APC: variants seen among roughly 807,000 people sequenced by gnomAD.
The protein encoded by APC is APC regulator of Wnt signaling pathway, also known as adenomatous polyposis coli protein.
A neutral mutation model predicts 247.0 loss-of-function variants in APC; 72 were observed. The ratio of observed to expected loss-of-function variants is 0.29; its 90% CI spans 0.24 to 0.35. APC has a LOEUF of 0.35. APC is among the 10% of genes least tolerant of loss of function. The probability of loss-of-function intolerance (pLI) is 1.00; values close to 1 mark genes in which losing one functional copy is unlikely to be tolerated. For synonymous variants in APC, 1,254 were observed against 1,162.5 expected (o/e 1.08, Z -1.60); for missense variants, 3,400 against 3,360.7 (o/e 1.01, Z -0.29).
At chr5:112,737,166 T>C (rs1214871420), upstream of APC, among the ~76,000 whole-genome samples, 1 of 152,224 alleles carries the variant, frequency 6.6e-6, no homozygotes, top group Non-Finnish European at 1.5e-5. Flanking sequence ...CTTCTATGTA[T>C]GTGTCAGGGA....
chr5:112,807,309 G>A (rs1761522471), intron 8 of APC, among the ~76,000 whole-genome samples: 1 of 152,034 alleles, frequency 6.6e-6, no homozygotes, highest in African/African-American at 2.4e-5. Context: ...CTGGGTTTTT[G>A]TAATTTGTTA....
intron 4 of APC, among the ~76,000 whole-genome samples, chr5:112,769,686 C>A (rs1338652980): frequency 6.6e-6 from 1 of 152,060 alleles, no homozygotes; most frequent in Non-Finnish European, 1.5e-5. Flanking sequence ...GTACCATTTT[C>A]TTCTGTAAGA....
chr5:112,817,334 T>G (rs190130529), intron 9 of APC, among the ~76,000 whole-genome samples: 1 of 152,360 alleles, frequency 6.6e-6, no homozygotes, highest in East Asian at 1.9e-4. Flanking sequence ...ATTACTGAAA[T>G]AACTAATGTT....
In APC at chr5:112,707,650, G is replaced by A. The variant is rs1163893701; in HGVS notation, c.-68G>A. On this transcript the variant is annotated 5_prime_UTR_variant, in exon 1 of 14. Coordinates refer to the APC transcript ENST00000507379. ...GAGGTTGGCTCGATGCTGTTCCCAGGTACTGTTGTTGGCTGTTGGTGAGGA... is the reference window on the plus strand; with the variant it reads ...GAGGTTGGCTCGATGCTGTTCCCAGATACTGTTGTTGGCTGTTGGTGAGGA... 2.9e-6 allele frequency: 4 copies of A among 1,363,086 alleles called. No individual in the cohort carries two copies. Among genetic ancestry groups the A allele is most frequent in the Non-Finnish European group, 3.9e-6 (4 of 1,032,224 alleles). 84.4% of individuals were successfully genotyped at this position (1,363,086 alleles called of 1,614,324 possible).
At chr5:112,786,082 C>G (rs1340166015) in intron 6 of APC, among the ~76,000 whole-genome samples, 2 of 151,950 alleles carry the variant, frequency 1.3e-5, no homozygotes, top group African/African-American at 2.4e-5. Context: ...AAAAGACAAC[C>G]CTGTGTTTTT....
At chr5:112,774,543 C>G (rs1561476080) in intron 4 of APC, among the ~76,000 whole-genome samples, 1 of 149,460 alleles carries the variant, frequency 6.7e-6, no homozygotes, top group African/African-American at 2.4e-5. Context: ...TCACTGCAGC[C>G]TTGGCCTCCT....
chr5:112,792,548 T>A lies in APC; in HGVS notation c.729+19T>A, dbSNP rs1759747492. The A allele has an allele frequency of 6.3e-7, 1 of 1,585,656 alleles. No individual in the cohort carries two copies. Among genetic ancestry groups the A allele is most frequent in the Non-Finnish European group, 8.7e-7 (1 of 1,154,932 alleles). On this transcript the variant is annotated intron_variant, in intron 7 of 15. Coordinates refer to ENST00000257430, the MANE Select transcript of APC (RefSeq NM_000038.6). ...AGCAGAGGTTAGTAAATTGCCTTTC[T>A]TGTTTGTGGGTATAAAAATAGGTAG... is the stretch of plus-strand genomic sequence containing the variant.
chr5:112,752,088 AT>A (rs1193707195), intron 1 of APC, among the ~76,000 whole-genome samples: 1 of 151,986 alleles, frequency 6.6e-6, no homozygotes, highest in African/African-American at 2.4e-5. Flanking sequence ...GTTCTGATAG[AT>A]TATATCTTCT....
chr5:112,736,195 G>A (rs1336075560), upstream of APC, among the ~76,000 whole-genome samples: 2 of 152,180 alleles, frequency 1.3e-5, no homozygotes, highest in African/African-American at 4.8e-5. Flanking sequence ...GTAAAATGAA[G>A]TCATTCTCAA....
intron 6 of APC, among the ~76,000 whole-genome samples, chr5:112,784,825 A>C (rs1437616005): frequency 6.6e-6 from 1 of 152,174 alleles, no homozygotes; most frequent in East Asian, 1.9e-4. Flanking sequence ...CCAGAAGCAA[A>C]CCTTATATTA....
intron 9 of APC, among the ~76,000 whole-genome samples, chr5:112,816,781 A>C (rs1043461511): frequency 4.6e-5 from 7 of 152,004 alleles, no homozygotes; most frequent in East Asian, 3.9e-4. Flanking sequence ...CAACAAGAGC[A>C]AAACTCCATT....
At chr5:112,836,322 C>T (rs1259796074) in intron 15 of APC, among the ~76,000 whole-genome samples, 2 of 152,026 alleles carry the variant, frequency 1.3e-5, no homozygotes, top group South Asian at 2.1e-4. Context: ...TGGGCTACTG[C>T]GCCTAGCCAA....
chr5:112,817,446 G>T (rs1472887569), intron 9 of APC, among the ~76,000 whole-genome samples: 1 of 152,124 alleles, frequency 6.6e-6, no homozygotes, highest in African/African-American at 2.4e-5. Flanking sequence ...TGTGCCAGGA[G>T]TTGTATGTAC....
At position 112,843,272 on chromosome 5, in the gene APC, C is replaced by T. The variant is rs1580685528; in HGVS notation, c.7678C>T (p.Arg2560Ter). ...EHSKHSSSLP[R>*]VSTWRRTGSS... ...CAGCAAACATTCATCATCCCTTCCTCGAGTAAGCACTTGGAGAAGAACTGG... is the reference window on the plus strand; with the variant it reads ...CAGCAAACATTCATCATCCCTTCCTTGAGTAAGCACTTGGAGAAGAACTGG... Residue 2560 changes from arginine to a stop codon, truncating the protein, a stop_gained, in exon 16 of 16, where the codon CGA becomes TGA. Transcript: ENST00000257430. LOFTEE classifies it high-confidence loss of function. The surrounding 1 kb of genome is among the most constrained non-coding windows in gnomAD (Gnocchi z 4.8). 6.2e-7 allele frequency: 1 copy of T among 1,613,560 alleles called. No homozygotes were observed. The highest frequency in any genetic ancestry group is 8.5e-7 in the Non-Finnish European group (1 of 1,179,498).
chr5:112,785,581 C>A (rs539519775), intron 6 of APC, among the ~76,000 whole-genome samples: 1 of 152,080 alleles, frequency 6.6e-6, no homozygotes, highest in East Asian at 1.9e-4. Context: ...TTTACCTTAC[C>A]ATTTGTTAAA....
intron 4 of APC, among the ~76,000 whole-genome samples, chr5:112,772,803 C>T (rs997490346): frequency 1.3e-5 from 2 of 152,220 alleles, no homozygotes; most frequent in South Asian, 4.1e-4. Context: ...AGGCGTGACC[C>T]GCCGTGCCTG....
chr5:112,777,739 G>A (rs1580367948), intron 5 of APC: 1 of 238,510 alleles, frequency 4.2e-6, no homozygotes, highest in South Asian at 7.3e-5. Context: ...TTTGCCAGCA[G>A]CAACTCTGCC....
At chr5:112,739,693 AC>A (rs1472453600) in intron 1 of APC, among the ~76,000 whole-genome samples, 1 of 152,098 alleles carries the variant, frequency 6.6e-6, no homozygotes, top group African/African-American at 2.4e-5. Flanking sequence ...ACCAAGCAAG[AC>A]CCTATCTCAA....
chr5:112,807,349 A>G (rs1259083720), intron 8 of APC, among the ~76,000 whole-genome samples: 2 of 152,090 alleles, frequency 1.3e-5, no homozygotes, highest in African/African-American at 2.4e-5. Flanking sequence ...TAGTTTTTCC[A>G]GTACCCTTTA....
Sources: gnomAD v4.1 joint callset for allele counts (sites outside exome capture counted in the v4.1 genomes callset) on GRCh38, gnomAD v4.1.1 for gene constraint, Gnocchi (gnomAD v3.1) non-coding constraint, MANE v1.5 for transcripts, NCBI Gene and HGNC (gene_info 2026-07-23, HGNC 2026-07-21) for gene names.